CMKLR2: variants seen among roughly 807,000 people sequenced by gnomAD.
CMKLR2 encodes chemerin chemokine-like receptor 2.
Under a neutral mutation model 23.0 loss-of-function variants are expected in CMKLR2, and 18 were observed. That is an observed-to-expected ratio of 0.78 (90% CI 0.54 to 1.16). The LOEUF is 1.16. Among genes scored for constraint, CMKLR2 ranks in the 50% most tolerant of loss-of-function variants. The pLI, the probability that CMKLR2 is intolerant of heterozygous loss-of-function variation, is 0.00. For missense variants in CMKLR2, 401 were observed against 412.7 expected (o/e 0.97, Z 0.25); for synonymous variants, 158 against 158.9 (o/e 0.99, Z 0.05).
intron 1 of CMKLR2, among the ~76,000 whole-genome samples, chr2:206,202,353 G>GA: frequency 6.6e-6 from 1 of 152,322 alleles, no homozygotes; most frequent in Middle Eastern, 3.4e-3. Flanking sequence ...GCTATAGAGA[G>GA]AAGACGGTAT....
chr2:206,184,096 G>T (rs1688498471), intron 1 of CMKLR2, among the ~76,000 whole-genome samples: 1 of 152,100 alleles, frequency 6.6e-6, no homozygotes, highest in African/African-American at 2.4e-5. Flanking sequence ...CTTGTGGTTT[G>T]CTGGCAAACT....
chr2:206,193,681 G>A (rs1350597363), intron 1 of CMKLR2, among the ~76,000 whole-genome samples: 2 of 152,062 alleles, frequency 1.3e-5, no homozygotes, highest in South Asian at 2.1e-4. Flanking sequence ...ATCATAGCAG[G>A]GTACCTACCA....
At chr2:206,198,268 T>C (rs1162476655) in intron 1 of CMKLR2, among the ~76,000 whole-genome samples, 2 of 152,206 alleles carry the variant, frequency 1.3e-5, no homozygotes, top group Non-Finnish European at 2.9e-5. Context: ...AGTCCGTGGA[T>C]ATTTGGCAGT....
chr2:206,198,523 A>T (rs375031997), intron 1 of CMKLR2, among the ~76,000 whole-genome samples: 6 of 152,332 alleles, frequency 3.9e-5, no homozygotes, highest in African/African-American at 1.4e-4. Flanking sequence ...CCATGCCTCA[A>T]ACTAGCACCA....
chr2:206,217,210 A>G (rs1448269258), upstream of CMKLR2, among the ~76,000 whole-genome samples: 2 of 152,200 alleles, frequency 1.3e-5, no homozygotes, highest in Non-Finnish European at 2.9e-5. Flanking sequence ...TCCTCCTGTC[A>G]TACAGGGTGA....
At chr2:206,202,002 A>G (rs767560818) in intron 1 of CMKLR2, among the ~76,000 whole-genome samples, 76 of 152,324 alleles carry the variant, frequency 5.0e-4, no homozygotes, top group Non-Finnish European at 8.4e-4. Flanking sequence ...TGTTAGCTCA[A>G]TGTAAGGCAG....
At chr2:206,187,928 C>T (rs947848113) in intron 1 of CMKLR2, among the ~76,000 whole-genome samples, 1 of 152,006 alleles carries the variant, frequency 6.6e-6, no homozygotes, top group African/African-American at 2.4e-5. Context: ...GACAGAGTCT[C>T]TTTCTGTCAT....
chr2:206,186,502 C>T (rs1445546077), intron 1 of CMKLR2, among the ~76,000 whole-genome samples: 1 of 152,136 alleles, frequency 6.6e-6, no homozygotes, highest in Non-Finnish European at 1.5e-5. Context: ...GGAGCCCTGG[C>T]AGTGCTCACC....
chr2:206,214,165 ATTTTTT>A (rs34307347), upstream of CMKLR2, among the ~76,000 whole-genome samples: 6 of 64,938 alleles, frequency 9.2e-5, no homozygotes, highest in Admixed American at 4.8e-4. Flanking sequence ...TAAAGACTTG[ATTTTTT>A]TTTTTTTTTT....
intron 1 of CMKLR2, among the ~76,000 whole-genome samples, chr2:206,179,607 G>T (rs1165529720): frequency 2.0e-5 from 3 of 152,052 alleles, no homozygotes; most frequent in African/African-American, 7.2e-5. Flanking sequence ...GGGATTACAG[G>T]AATAAGCCAC....
At chr2:206,185,231 C>T (rs1423693536) in intron 1 of CMKLR2, among the ~76,000 whole-genome samples, 2 of 152,192 alleles carry the variant, frequency 1.3e-5, no homozygotes, top group Non-Finnish European at 2.9e-5. Context: ...AAGTGATCTG[C>T]CCACCTCAGC....
chr2:206,187,799 T>C lies in CMKLR2; in HGVS notation c.-28-10524A>G, dbSNP rs142346667. ...TTGAGAGATGATGGGAGGATGTGAA[T>C]GAAGGATCAGAGGTGAATAGGAGGG... On this transcript the variant is annotated intron_variant, in intron 1 of 1. Transcript: ENST00000621141. Among the ~76,000 whole-genome samples the C allele has an allele frequency of 1.3e-5, 2 of 152,234 alleles. 1 individual carries two copies. The highest frequency in any genetic ancestry group is 3.9e-4 in the East Asian group (2 of 5,184).
intron 1 of CMKLR2, among the ~76,000 whole-genome samples, chr2:206,179,716 G>T (rs74336707): frequency 7.4e-4 from 112 of 152,208 alleles, no homozygotes; most frequent in African/African-American, 2.5e-3. Flanking sequence ...AGTATACTGT[G>T]TGTAACTCTG....
rs1688235951 is a variant in CMKLR2, at chr2:206,176,807, C to A, written c.441G>T (p.Arg147=). 10 of 1,614,040 alleles carry A rather than the reference C, an allele frequency of 6.2e-6. No homozygotes were observed. The highest frequency in any genetic ancestry group is 8.5e-6 in the Non-Finnish European group (10 of 1,180,010). ...TCAGAGAGTTCTTGAGGGTTCGATG[C>A]CGATGAGATAAGACAGGATGGATCA... is the stretch of plus-strand genomic sequence containing the variant. The part of the protein sequence containing the change: ...IHLIHPVLSH[R]HRTLKNSLIV... Residue 147 remains arginine (R), a synonymous_variant, in exon 2 of 2, where the codon CGG becomes CGT. Coordinates refer to ENST00000621141, the MANE Select transcript of CMKLR2 (RefSeq NM_001389445.1).
At chr2:206,209,802 C>T (rs191169404) in intron 1 of CMKLR2, among the ~76,000 whole-genome samples, 4 of 151,090 alleles carry the variant, frequency 2.6e-5, no homozygotes, top group African/African-American at 7.3e-5. Context: ...GCGCCCGCCA[C>T]GATGCCCGGC....
At chr2:206,193,273 A>C (rs1688810766) in intron 1 of CMKLR2, among the ~76,000 whole-genome samples, 1 of 151,912 alleles carries the variant, frequency 6.6e-6, no homozygotes, top group Non-Finnish European at 1.5e-5. Context: ...TAGCTTTTGT[A>C]TTTTTCATAG....
At chr2:206,186,788 C>CA (rs1410533484) in intron 1 of CMKLR2, among the ~76,000 whole-genome samples, 1 of 129,430 alleles carries the variant, frequency 7.7e-6, no homozygotes, top group African/African-American at 2.8e-5. Context: ...ACTCTGCTGC[C>CA]TTTTTTTTTT....
In CMKLR2 at chr2:206,177,060, GTGAACCAAA is replaced by G. The variant is rs1559081742; in HGVS notation, c.179_187del (p.Ile60_Phe62del). On this transcript the variant is annotated inframe_deletion, in exon 2 of 2. Coordinates refer to ENST00000621141, the MANE Select transcript of CMKLR2 (RefSeq NM_001389445.1). The stretch of plus-strand genomic sequence containing the variant: ...GACTGTCTTCTTCCACTTGAACCCC[GTGAACCAAA>G]TGACGATGGCATTTCCTGGAATTCC... 2 of 1,614,180 alleles carry G rather than the reference GTGAACCAAA, an allele frequency of 1.2e-6. No homozygotes were observed. The highest frequency in any genetic ancestry group is 2.2e-5 in the East Asian group (1 of 44,876).
chr2:206,181,669 G>A (rs1688416951), intron 1 of CMKLR2, among the ~76,000 whole-genome samples: 1 of 152,078 alleles, frequency 6.6e-6, no homozygotes, highest in African/African-American at 2.4e-5. Context: ...GAAATCATAA[G>A]GGGCTGAGAG....
Sources: gnomAD v4.1 joint callset for allele counts (sites outside exome capture counted in the v4.1 genomes callset) on GRCh38, gnomAD v4.1.1 for gene constraint, MANE v1.5 for transcripts, NCBI Gene and HGNC (gene_info 2026-07-23, HGNC 2026-07-21) for gene names.